Variants in PDE4B observed in about 807,000 individuals in gnomAD.
PDE4B encodes phosphodiesterase 4B.
In PDE4B, 20 loss-of-function variants were observed where a neutral mutation model predicts 82.2. The observed-to-expected ratio is 0.24, with a 90% CI of 0.17 to 0.35. The LOEUF (loss-of-function observed/expected upper bound fraction) is 0.35, where lower values mean the gene tolerates loss of function less well. Ranked by LOEUF, PDE4B falls within the 10% of genes least tolerant of loss-of-function variation. The pLI is 1.00. For synonymous variants in PDE4B, 320 were observed against 318.9 expected, an observed-to-expected ratio of 1.00 and a Z score of -0.04; for missense variants, 655 against 907.2, an observed-to-expected ratio of 0.72 and a Z score of 3.57.
intron 3 of PDE4B, among the ~76,000 whole-genome samples, chr1:66,012,626 C>T (rs1293010544): frequency 6.6e-6 from 1 of 152,004 alleles, no homozygotes; most frequent in Non-Finnish European, 1.5e-5. Context: ...ACTTAGCAGT[C>T]GTCTTACTTT....
intron 3 of PDE4B, among the ~76,000 whole-genome samples, chr1:65,969,471 A>G (rs892827982): frequency 6.6e-6 from 1 of 152,200 alleles, no homozygotes; most frequent in African/African-American, 2.4e-5. Flanking sequence ...ACGGTATGGA[A>G]GAGTTGTTTT....
chr1:66,242,951 T>C (rs967542077), intron 3 of PDE4B, among the ~76,000 whole-genome samples: 1 of 152,150 alleles, frequency 6.6e-6, no homozygotes, highest in Non-Finnish European at 1.5e-5. Flanking sequence ...AGAATAACTG[T>C]GGGCCAGAGA....
At chr1:66,236,239 G>A (rs1370614599) in intron 3 of PDE4B, among the ~76,000 whole-genome samples, 1 of 151,868 alleles carries the variant, frequency 6.6e-6, no homozygotes, top group Non-Finnish European at 1.5e-5. Flanking sequence ...GTTTATCACA[G>A]TCTACCTTCA....
Position 66,358,973 on chromosome 1 carries a change from T to C in PDE4B, c.842-2642T>C, listed in dbSNP as rs1334466796. ...CTATATTTACCAGTCCAGGCACTCA[T>C]TGATGCTGTCACATAATGGGCTCCA... On this transcript the variant is annotated intron_variant, in intron 9 of 16. Transcript: ENST00000341517. 2.6e-5 allele frequency among the ~76,000 whole-genome samples: 4 copies of C among 152,260 alleles called. No individual in the cohort carries two copies. The East Asian group carries it at 5.8e-4, about 22-fold the overall frequency.
At chr1:65,915,760 A>G (rs1232630853) in intron 2 of PDE4B, among the ~76,000 whole-genome samples, 1 of 152,144 alleles carries the variant, frequency 6.6e-6, no homozygotes, top group East Asian at 1.9e-4. Context: ...CCTTTGTGAC[A>G]AGCTTTTCAA....
intron 3 of PDE4B, among the ~76,000 whole-genome samples, chr1:66,036,480 G>A (rs1411472091): frequency 3.3e-5 from 5 of 152,094 alleles, no homozygotes; most frequent in Non-Finnish European, 7.4e-5. Flanking sequence ...TTAATCCATT[G>A]TGAGTTTATT....
intron 15 of PDE4B, 90 bp from the exon 16 acceptor site, chr1:66,368,697 A>T: frequency 2.0e-6 from 2 of 984,194 alleles, no homozygotes; most frequent in Non-Finnish European, 2.9e-6. Flanking sequence ...TCTCGGGTTT[A>T]GTACCAAGCG....
At chr1:65,823,177 C>T (rs900833829) in intron 1 of PDE4B, among the ~76,000 whole-genome samples, 50 of 152,058 alleles carry the variant, frequency 3.3e-4, no homozygotes, top group Middle Eastern at 3.4e-3. Context: ...GCGGATGGAT[C>T]GCAAGGTCAG....
At chr1:66,097,542 T>C (rs1645140970) in intron 3 of PDE4B, among the ~76,000 whole-genome samples, 1 of 152,108 alleles carries the variant, frequency 6.6e-6, no homozygotes, top group Non-Finnish European at 1.5e-5. Flanking sequence ...ATTTACTTTT[T>C]TTTCTGCAGT....
intron 3 of PDE4B, among the ~76,000 whole-genome samples, chr1:66,142,811 A>G (rs926297200): frequency 6.6e-6 from 1 of 152,188 alleles, no homozygotes; most frequent in Non-Finnish European, 1.5e-5. Flanking sequence ...TTTGTGTCTT[A>G]CAGCCTTCAG....
At chr1:66,086,234 A>G (rs918212767) in intron 3 of PDE4B, among the ~76,000 whole-genome samples, 3 of 152,160 alleles carry the variant, frequency 2.0e-5, no homozygotes, top group African/African-American at 7.2e-5. Flanking sequence ...TCATATACCA[A>G]TTGCAATATG....
rs184888415 is a variant in PDE4B, at chr1:65,932,101, C to A, written c.281+13266C>A. Among the ~76,000 whole-genome samples the A allele has an allele frequency of 2.0e-5, 3 of 152,054 alleles. No homozygotes were observed. In the East Asian group the frequency reaches 5.8e-4, roughly 29 times the overall value. Reference sequence around the variant, plus strand: ...TTCTGGGAGCTTCCCAAAGGACTTCCTCTGTCTGGCTTGTTTTGGGGTACT... The same window carrying A: ...TTCTGGGAGCTTCCCAAAGGACTTCATCTGTCTGGCTTGTTTTGGGGTACT... On this transcript the variant is annotated intron_variant, in intron 3 of 16. Coordinates refer to ENST00000341517, the MANE Select transcript of PDE4B (RefSeq NM_002600.4).
At chr1:66,068,165 T>C (rs561989048) in intron 3 of PDE4B, among the ~76,000 whole-genome samples, 1 of 151,034 alleles carries the variant, frequency 6.6e-6, no homozygotes, top group South Asian at 2.1e-4. Context: ...TGTATAATTG[T>C]TCTCGCTTCC....
At chr1:66,199,537 G>T (rs182714600) in intron 3 of PDE4B, among the ~76,000 whole-genome samples, 2 of 151,866 alleles carry the variant, frequency 1.3e-5, no homozygotes, top group Non-Finnish European at 2.9e-5. Context: ...AGATGAATAG[G>T]TTGCAAAAAT....
intron 3 of PDE4B, among the ~76,000 whole-genome samples, chr1:66,175,505 T>G (rs1646915540): frequency 6.6e-6 from 1 of 152,228 alleles, no homozygotes; most frequent in African/African-American, 2.4e-5. Flanking sequence ...ATATATTATC[T>G]CTGACTGTTA....
intron 1 of PDE4B, among the ~76,000 whole-genome samples, chr1:65,894,990 G>C (rs1447792508): frequency 6.6e-6 from 1 of 152,100 alleles, no homozygotes; most frequent in Non-Finnish European, 1.5e-5. Context: ...TTTTAAAGTT[G>C]AATATACATT....
intron 4 of PDE4B, among the ~76,000 whole-genome samples, chr1:66,248,619 C>A (rs1485898764): frequency 3.3e-5 from 5 of 152,136 alleles, no homozygotes; most frequent in African/African-American, 9.7e-5. Context: ...AGTCATTTGG[C>A]AAAATTTACT....
chr1:66,173,427 C>A (rs570374612), intron 3 of PDE4B, among the ~76,000 whole-genome samples: 2 of 152,304 alleles, frequency 1.3e-5, no homozygotes, highest in African/African-American at 4.8e-5. Flanking sequence ...GCTAAGGGTG[C>A]TTCCATTGAA....
chr1:66,066,452 G>A (rs1449123238), intron 3 of PDE4B, among the ~76,000 whole-genome samples: 1 of 151,818 alleles, frequency 6.6e-6, no homozygotes, highest in Non-Finnish European at 1.5e-5. Flanking sequence ...ATGATTGGTA[G>A]TATTTCTGTT....
Sources: gnomAD v4.1 joint callset for allele counts (sites outside exome capture counted in the v4.1 genomes callset) on GRCh38, gnomAD v4.1.1 for gene constraint, MANE v1.5 for transcripts, NCBI Gene and HGNC (gene_info 2026-07-23, HGNC 2026-07-21) for gene names.